TSPAN9: variants seen among roughly 807,000 people sequenced by gnomAD.
The protein encoded by TSPAN9 is tetraspanin-9.
A neutral mutation model predicts 31.0 loss-of-function variants in TSPAN9; 16 were observed. The ratio of observed to expected loss-of-function variants is 0.52; its 90% confidence interval spans 0.35 to 0.78. The LOEUF (loss-of-function observed/expected upper bound fraction) is 0.78. TSPAN9 is among the 30% of genes least tolerant of loss of function. TSPAN9 has a pLI of 0.01. For missense variants in TSPAN9, 272 were observed against 312.5 expected, an observed-to-expected ratio of 0.87 and a Z score of 0.98; for synonymous variants, 145 against 121.6, an observed-to-expected ratio of 1.19 and a Z score of -1.27.
intron 3 of TSPAN9, among the ~76,000 whole-genome samples, chr12:3,243,965 C>T (rs776353059): frequency 3.9e-5 from 6 of 152,208 alleles, no homozygotes; most frequent in Admixed American, 1.3e-4. Context: ...AGGGCTTACC[C>T]GCAGGGTCTT....
chr12:3,180,688 T>C (rs2098358198), intron 2 of TSPAN9, among the ~76,000 whole-genome samples: 1 of 152,230 alleles, frequency 6.6e-6, no homozygotes, highest in Non-Finnish European at 1.5e-5. Context: ...TCACCTTCTT[T>C]ATTTTCGTCC....
At chr12:3,271,485 A>C (rs1430117671) in intron 3 of TSPAN9, among the ~76,000 whole-genome samples, 1 of 152,006 alleles carries the variant, frequency 6.6e-6, no homozygotes, top group Non-Finnish European at 1.5e-5. Flanking sequence ...CATGTTAGCC[A>C]CAGGGAAGTA....
chr12:3,279,233 G>A (rs919396898), intron 5 of TSPAN9, among the ~76,000 whole-genome samples, 167 bp downstream of exon 5: 2 of 152,212 alleles, frequency 1.3e-5, no homozygotes, highest in African/African-American at 2.4e-5. Flanking sequence ...GGAAAGAGCA[G>A]ATGGAAGGTT....
chr12:3,263,507 A>G (rs1427439092), intron 3 of TSPAN9, among the ~76,000 whole-genome samples: 2 of 152,156 alleles, frequency 1.3e-5, no homozygotes, highest in East Asian at 3.9e-4. Flanking sequence ...GGTCTGAAGG[A>G]GGTGGTGTAG....
intron 3 of TSPAN9, among the ~76,000 whole-genome samples, chr12:3,205,497 A>G (rs1377875209): frequency 6.6e-6 from 1 of 152,160 alleles, no homozygotes; most frequent in Non-Finnish European, 1.5e-5. Context: ...TGGCTCGGCC[A>G]TGTCACGAGT....
intron 2 of TSPAN9, among the ~76,000 whole-genome samples, chr12:3,136,437 C>A (rs2098332169): frequency 6.6e-6 from 1 of 152,194 alleles, no homozygotes; most frequent in Non-Finnish European, 1.5e-5. Flanking sequence ...TCCCCCACAG[C>A]CCCTGTGTCA....
chr12:3,204,350 G>A (rs1254805874), intron 3 of TSPAN9, among the ~76,000 whole-genome samples: 7 of 152,196 alleles, frequency 4.6e-5, no homozygotes, highest in South Asian at 4.1e-4. Flanking sequence ...CTTCAGAGGC[G>A]TGCATAGGTT....
intron 3 of TSPAN9, among the ~76,000 whole-genome samples, chr12:3,265,866 A>G (rs958888348): frequency 6.6e-6 from 1 of 152,228 alleles, no homozygotes; most frequent in African/African-American, 2.4e-5. Context: ...TGTCAGCTCC[A>G]TGTGTGAGCT....
At chr12:3,108,502 C>G (rs2098315801) in intron 2 of TSPAN9, among the ~76,000 whole-genome samples, 1 of 152,188 alleles carries the variant, frequency 6.6e-6, no homozygotes. Context: ...GTCTCTCTGT[C>G]TCTAGTGTTC....
intron 3 of TSPAN9, among the ~76,000 whole-genome samples, chr12:3,235,220 ATATATATATATATATATATATATATAT>A: frequency 3.3e-4 from 2 of 6,026 alleles, no homozygotes; most frequent in Non-Finnish European, 5.3e-4. Flanking sequence ...AAAAAAAAAT[ATATATATATATATATATATATATATAT>A]ATATATATAT....
chr12:3,087,758 A>G (rs1317133043), intron 2 of TSPAN9, among the ~76,000 whole-genome samples: 1 of 151,746 alleles, frequency 6.6e-6, no homozygotes. Flanking sequence ...GTGAGCCAAT[A>G]TTGGCCACTG....
intron 2 of TSPAN9, among the ~76,000 whole-genome samples, chr12:3,126,280 G>A (rs2098327331): frequency 6.6e-6 from 1 of 152,210 alleles, no homozygotes; most frequent in Non-Finnish European, 1.5e-5. Context: ...GCACTGTTAG[G>A]TGATTTTGTT....
At chr12:3,094,623 G>A (rs183878142) in intron 2 of TSPAN9, among the ~76,000 whole-genome samples, 1 of 148,088 alleles carries the variant, frequency 6.8e-6, no homozygotes, top group Non-Finnish European at 1.5e-5. Flanking sequence ...CACAACCTCC[G>A]CTCCTGGGTT....
chr12:3,156,917 AG>A (rs1435423677), intron 2 of TSPAN9, among the ~76,000 whole-genome samples: 1 of 152,188 alleles, frequency 6.6e-6, no homozygotes. Context: ...CTGAGAGCTA[AG>A]GTTGAGGTGA....
At chr12:3,141,354 C>A (rs978591474) in intron 2 of TSPAN9, among the ~76,000 whole-genome samples, 1 of 152,180 alleles carries the variant, frequency 6.6e-6, no homozygotes, top group African/African-American at 2.4e-5. Flanking sequence ...AGTGGCTTTT[C>A]CAGCCTGTTC....
At chr12:3,253,554 G>A (rs1395750012) in intron 3 of TSPAN9, among the ~76,000 whole-genome samples, 8 of 152,242 alleles carry the variant, frequency 5.3e-5, no homozygotes, top group Non-Finnish European at 1.2e-4. Context: ...CTCGGCCAGT[G>A]CCATGGGGTT....
At chr12:3,151,603 C>G (rs1279595543) in intron 2 of TSPAN9, 1 of 152,254 alleles carries the variant, frequency 6.6e-6, no homozygotes, top group African/African-American at 2.4e-5. Flanking sequence ...TAATGGCCTG[C>G]AAGACTTGGC....
intron 2 of TSPAN9, among the ~76,000 whole-genome samples, chr12:3,167,170 T>TA (rs1414640863): frequency 1.3e-5 from 2 of 152,040 alleles, no homozygotes; most frequent in Non-Finnish European, 2.9e-5. Context: ...TTCTCAACAT[T>TA]AAAAAAAATA....
intron 3 of TSPAN9, among the ~76,000 whole-genome samples, chr12:3,259,573 T>C (rs1305823715): frequency 6.6e-6 from 1 of 152,160 alleles, no homozygotes; most frequent in Non-Finnish European, 1.5e-5. Flanking sequence ...ACACTTGAAG[T>C]AGTAACAGAC....
Sources: allele counts gnomAD v4.1 joint callset (sites outside exome capture counted in the v4.1 genomes callset), GRCh38; gene constraint gnomAD v4.1.1; transcripts MANE v1.5; gene names NCBI Gene and HGNC (gene_info 2026-07-23, HGNC 2026-07-21).